CMSS1: variants seen among roughly 807,000 people sequenced by gnomAD.
CMSS1 encodes cms1 ribosomal small subunit homolog, also known as protein CMSS1.
A neutral mutation model predicts 43.5 loss-of-function variants in CMSS1; 33 were observed. The ratio of observed to expected loss-of-function variants is 0.76; its 90% CI spans 0.57 to 1.01. The LOEUF is 1.01. Among genes scored for constraint, CMSS1 ranks in the 50% least tolerant of loss-of-function variants. The pLI, the probability that CMSS1 is intolerant of heterozygous loss-of-function variation, is 0.00. For synonymous variants in CMSS1, 115 were observed against 117.2 expected (o/e 0.98, Z 0.12); for missense variants, 313 against 326.4 (o/e 0.96, Z 0.32).
chr3:99,836,852 A>G (rs191758628), intron 1 of CMSS1, among the ~76,000 whole-genome samples: 9 of 152,342 alleles, frequency 5.9e-5, no homozygotes, highest in African/African-American at 1.9e-4. Flanking sequence ...GTCTGAACCA[A>G]TCAGACAAAT....
intron 1 of CMSS1, among the ~76,000 whole-genome samples, chr3:100,140,496 C>T (rs1184907932): frequency 6.6e-6 from 1 of 151,728 alleles, no homozygotes; most frequent in Non-Finnish European, 1.5e-5. Context: ...TGTTGAAATT[C>T]ATCCATGTTA....
chr3:100,139,330 GAA>G (rs2107505652), intron 1 of CMSS1, among the ~76,000 whole-genome samples: 1 of 151,642 alleles, frequency 6.6e-6, no homozygotes, highest in Non-Finnish European at 1.5e-5. Context: ...AAAATAAAAT[GAA>G]AAGTTTAAAC....
chr3:100,033,205 A>G (rs2107266196), intron 1 of CMSS1, among the ~76,000 whole-genome samples: 1 of 152,254 alleles, frequency 6.6e-6, no homozygotes, highest in Non-Finnish European at 1.5e-5. Flanking sequence ...AATCAAACTA[A>G]TTGTGCCTTG....
At chr3:99,962,615 A>G (rs567942486) in intron 1 of CMSS1, among the ~76,000 whole-genome samples, 7 of 152,338 alleles carry the variant, frequency 4.6e-5, no homozygotes, top group Non-Finnish European at 1.0e-4. Flanking sequence ...ACACAGGATT[A>G]TAATTAATAA....
chr3:99,930,922 A>G (rs376871388), intron 1 of CMSS1: 66 of 1,613,434 alleles, frequency 4.1e-5, no homozygotes, highest in Non-Finnish European at 5.5e-5. Context: ...CTTGCTGTCT[A>G]TGCTTCATGT....
intron 1 of CMSS1, among the ~76,000 whole-genome samples, chr3:99,999,681 C>T (rs1185347957): frequency 6.6e-6 from 1 of 152,102 alleles, no homozygotes; most frequent in East Asian, 1.9e-4. Context: ...CTTGATGGTT[C>T]ATTGCTTTAT....
chr3:99,901,189 G>A (rs116775010), intron 1 of CMSS1, among the ~76,000 whole-genome samples: 1,715 of 152,274 alleles, frequency 0.011, 18 homozygotes, highest in African/African-American at 0.025. Context: ...CAAATCTTCA[G>A]GAAAGTGTTG....
intron 1 of CMSS1, among the ~76,000 whole-genome samples, chr3:99,991,824 G>GTA (rs1023477317): frequency 5.6e-4 from 44 of 79,000 alleles, no homozygotes; most frequent in East Asian, 1.9e-3. Flanking sequence ...CATGGTGTGT[G>GTA]TATATATATA....
chr3:100,107,628 T>C (rs1444096109), intron 1 of CMSS1, among the ~76,000 whole-genome samples: 3 of 152,176 alleles, frequency 2.0e-5, no homozygotes, highest in Non-Finnish European at 4.4e-5. Flanking sequence ...TAAAACCCTG[T>C]TGGAAATTCC....
intron 1 of CMSS1, among the ~76,000 whole-genome samples, chr3:99,927,749 T>C (rs1435713507): frequency 1.3e-5 from 2 of 152,164 alleles, no homozygotes; most frequent in Non-Finnish European, 2.9e-5. Context: ...AGTTCTGATA[T>C]AGAACCCTAG....
rs557744536 is a variant in CMSS1, at chr3:100,056,077, G to A, written c.65-90896G>A. Among the ~76,000 whole-genome samples the A allele has an allele frequency of 8.5e-5, 13 of 152,318 alleles. No homozygotes were observed. The South Asian group carries it at 2.5e-3, about 29-fold the overall frequency. On this transcript the variant is annotated intron_variant, in intron 1 of 9. Coordinates refer to ENST00000421999, the MANE Select transcript of CMSS1 (RefSeq NM_032359.4). ...TATTTGCTCAAAGTAGCATAAAAGTGCAAGCTATGGTATACCAAGGTCTTA... is the reference window on the plus strand; with the variant it reads ...TATTTGCTCAAAGTAGCATAAAAGTACAAGCTATGGTATACCAAGGTCTTA...
At chr3:99,920,424 T>A (rs1230115904) in intron 1 of CMSS1, among the ~76,000 whole-genome samples, 1 of 152,204 alleles carries the variant, frequency 6.6e-6, no homozygotes, top group Non-Finnish European at 1.5e-5. Flanking sequence ...GGCCAAAAAT[T>A]ATTGGCATTG....
chr3:99,834,618 C>G (rs1942820155), intron 1 of CMSS1, among the ~76,000 whole-genome samples: 1 of 152,222 alleles, frequency 6.6e-6, no homozygotes, highest in Non-Finnish European at 1.5e-5. Context: ...TTTTATCCAT[C>G]TGTGAACTTT....
chr3:100,172,209 C>T, intron 7 of CMSS1, 107 bp from the exon 8 acceptor site: 1 of 978,976 alleles, frequency 1.0e-6, no homozygotes, highest in East Asian at 2.5e-5. Flanking sequence ...AGGGTAGCTC[C>T]ATTTGTATTT....
intron 1 of CMSS1, among the ~76,000 whole-genome samples, chr3:99,896,043 T>C (rs1706240390): frequency 6.6e-6 from 1 of 152,222 alleles, no homozygotes; most frequent in Non-Finnish European, 1.5e-5. Context: ...TTATAAAGCA[T>C]GAGTCATGGA....
chr3:99,920,057 GC>G (rs1220492951), intron 1 of CMSS1, among the ~76,000 whole-genome samples: 8 of 152,130 alleles, frequency 5.3e-5, no homozygotes, highest in Admixed American at 5.2e-4. Flanking sequence ...AACCTACTAG[GC>G]CAAGATTTTA....
At chr3:99,991,686 T>C (rs879671530) in intron 1 of CMSS1, among the ~76,000 whole-genome samples, 7 of 152,006 alleles carry the variant, frequency 4.6e-5, no homozygotes, top group Non-Finnish European at 8.8e-5. Context: ...CTCCCACTTA[T>C]AGGTGAGAAC....
intron 1 of CMSS1, among the ~76,000 whole-genome samples, chr3:100,128,403 A>G (rs943514612): frequency 6.6e-6 from 1 of 152,352 alleles, no homozygotes; most frequent in Non-Finnish European, 1.5e-5. Flanking sequence ...AAAAAATCCA[A>G]TTGATCTTAA....
chr3:100,057,902 T>C (rs549889579), intron 1 of CMSS1, among the ~76,000 whole-genome samples: 114 of 152,292 alleles, frequency 7.5e-4, no homozygotes, highest in Non-Finnish European at 1.1e-3. Context: ...TCAAAGATCC[T>C]GATGACCTTT....
Sources: allele counts gnomAD v4.1 joint callset (sites outside exome capture counted in the v4.1 genomes callset), GRCh38; gene constraint gnomAD v4.1.1; transcripts MANE v1.5; gene names NCBI Gene and HGNC (gene_info 2026-07-23, HGNC 2026-07-21).